Variants in SERPIND1 observed in about 807,000 individuals in gnomAD.
SERPIND1 encodes the protein heparin cofactor 2.
SERPIND1 carries 34 observed loss-of-function variants against 35.0 expected under a neutral mutation model. That is an observed-to-expected ratio of 0.97 (90% CI 0.74 to 1.29). The LOEUF is 1.29. SERPIND1 is among the 50% of genes most tolerant of loss of function. The probability of loss-of-function intolerance (pLI) is 0.00; values close to 1 mark genes in which losing one functional copy is unlikely to be tolerated. For synonymous variants in SERPIND1, 236 were observed against 241.1 expected (o/e 0.98, Z 0.19); for missense variants, 633 against 637.7 (o/e 0.99, Z 0.08).
In SERPIND1 at chr22:20,786,963, A is replaced by G; in HGVS notation, c.1397A>G (p.Gln466Arg). 2 of 1,614,076 alleles carry G rather than the reference A, an allele frequency of 1.2e-6. No individual in the cohort carries two copies. The highest frequency in any genetic ancestry group is 1.7e-6 in the Non-Finnish European group (2 of 1,180,016). ...GTGGGGTTCATGCCGCTGTCCACCCAAGTCCGCTTCACTGTCGACCGCCCC... is the reference window on the plus strand; with the variant it reads ...GTGGGGTTCATGCCGCTGTCCACCCGAGTCCGCTTCACTGTCGACCGCCCC... ...TTVGFMPLST[Q>R]VRFTVDRPFL... The change falls in exon 5 of 5, where the codon CAA (glutamine) becomes CGA (arginine). Residue 466 changes from glutamine to arginine, a missense_variant. By Grantham distance (43) the Gln-to-Arg change is conservative. Coordinates refer to ENST00000215727, the MANE Select transcript of SERPIND1 (RefSeq NM_000185.4).
intron 4 of SERPIND1, 21 bp downstream of exon 4, chr22:20,786,169 C>T (rs1414179584): frequency 6.2e-6 from 10 of 1,613,298 alleles, no homozygotes; most frequent in Non-Finnish European, 7.6e-6. Context: ...CCTTGTCCAC[C>T]CCCGACCCGT....
intron 2 of SERPIND1, among the ~76,000 whole-genome samples, chr22:20,780,565 C>T (rs911367142): frequency 6.6e-6 from 1 of 152,114 alleles, no homozygotes; most frequent in African/African-American, 2.4e-5. Flanking sequence ...GTCAGGAGTT[C>T]GAGATCAGCC....
intron 1 of SERPIND1, among the ~76,000 whole-genome samples, chr22:20,776,300 G>A (rs1933266519): frequency 6.6e-6 from 1 of 152,012 alleles, no homozygotes; most frequent in Non-Finnish European, 1.5e-5. Context: ...CTCCAGCCTG[G>A]GTGACAGAGT....
intron 2 of SERPIND1, among the ~76,000 whole-genome samples, chr22:20,781,605 G>A (rs1933804363): frequency 6.6e-6 from 1 of 152,240 alleles, no homozygotes; most frequent in Non-Finnish European, 1.5e-5. Context: ...GATAGGCCAA[G>A]CAGGGTCACT....
chr22:20,780,775 C>CAAAAAAA lies in SERPIND1; in HGVS notation c.889+584_889+590dup, dbSNP rs538327544. 3.7e-4 allele frequency among the ~76,000 whole-genome samples: 25 copies of CAAAAAAA among 67,692 alleles called. 1 individual carries two copies. Among genetic ancestry groups the CAAAAAAA allele is most frequent in the African/African-American group, 8.6e-4 (13 of 15,188 alleles). The allele number at this position is 67,692 out of a possible 152,430, so 44.4% of individuals were successfully genotyped here. A position where few individuals can be genotyped will look rare whatever the true frequency, so the allele number is the denominator to read the frequency against. On this transcript the variant is annotated intron_variant, in intron 2 of 4. Coordinates refer to ENST00000215727, the MANE Select transcript of SERPIND1 (RefSeq NM_000185.4). The stretch of plus-strand genomic sequence containing the variant: ...TGGACGACAGAGTGAGACTCCATCT[C>CAAAAAAA]AAAAAAAAAAAAAAAAGAAGTAAAA...
At position 20,787,662 on chromosome 22, in the gene SERPIND1, G is replaced by A. The variant is rs545889042; in HGVS notation, c.*596G>A. The A allele has an allele frequency of 6.1e-6, 1 of 164,846 alleles. No homozygotes were observed. The highest frequency in any genetic ancestry group is 1.3e-5 in the Non-Finnish European group (1 of 74,440). The allele number at this position is 164,846 out of a possible 1,614,324, so 10.2% of individuals were successfully genotyped here. On this transcript the variant is annotated 3_prime_UTR_variant, in exon 5 of 5. Transcript: ENST00000215727. ...GCTGTTGCCTCCCTGTGACCTGGAGGACAGTGTGTGCCATGTCTCCCATAC... is the reference window on the plus strand; with the variant it reads ...GCTGTTGCCTCCCTGTGACCTGGAGAACAGTGTGTGCCATGTCTCCCATAC...
chr22:20,779,297 C>A lies in SERPIND1; in HGVS notation c.-16C>A, dbSNP rs1933552732. ...CACTGTGTTCTGTTTTCCCTCCCAG[C>A]TTTAGCTCCGCCAAAATGAAACACT... On this transcript the variant is annotated splice_region_variant and 5_prime_UTR_variant, in exon 2 of 5. Transcript: ENST00000215727. 6.2e-7 allele frequency: 1 copy of A among 1,613,980 alleles called. No homozygotes were observed. The highest frequency in any genetic ancestry group is 1.3e-5 in the African/African-American group (1 of 74,942).
At position 20,780,045 on chromosome 22, in the gene SERPIND1, T is replaced by C; in HGVS notation, c.733T>C (p.Phe245Leu). 2 of 1,614,146 alleles carry C rather than the reference T, an allele frequency of 1.2e-6. No homozygotes were observed. The highest frequency in any genetic ancestry group is 1.7e-6 in the Non-Finnish European group (2 of 1,180,032). The change falls in exon 2 of 5, where the codon TTT (phenylalanine) becomes CTT (leucine). Residue 245 changes from phenylalanine (F) to leucine (L), a missense_variant. Transcript: ENST00000215727. Reference protein sequence around the residue: ...DFKTKVREYYFAEAQIADFSD... With the variant: ...DFKTKVREYYLAEAQIADFSD... Reference sequence around the variant, plus strand: ...CAAAACTAAAGTAAGAGAGTATTACTTTGCTGAGGCCCAGATAGCTGACTT... The same window carrying C: ...CAAAACTAAAGTAAGAGAGTATTACCTTGCTGAGGCCCAGATAGCTGACTT...
At chr22:20,784,379 CTG>C in intron 3 of SERPIND1, 134 bp downstream of exon 3, 4 of 1,209,056 alleles carry the variant, frequency 3.3e-6, no homozygotes, top group Non-Finnish European at 3.5e-6. Flanking sequence ...CAGGGCCACT[CTG>C]TTAATTCAGC....
intron 1 of SERPIND1, among the ~76,000 whole-genome samples, chr22:20,777,760 C>T (rs1933421314): frequency 6.6e-6 from 1 of 152,198 alleles, no homozygotes; most frequent in African/African-American, 2.4e-5. Flanking sequence ...ATCATCAAAG[C>T]TCATCTAACC....
At chr22:20,778,124 T>C (rs185308759) in intron 1 of SERPIND1, among the ~76,000 whole-genome samples, 4 of 152,264 alleles carry the variant, frequency 2.6e-5, no homozygotes, top group South Asian at 4.1e-4. Flanking sequence ...GCAAGTGATA[T>C]CACCTCTGGG....
chr22:20,780,789 A>AAAAAAAAAAAAAAAAG (rs1569025354), intron 2 of SERPIND1, among the ~76,000 whole-genome samples: 38 of 151,372 alleles, frequency 2.5e-4, no homozygotes, highest in African/African-American at 9.0e-4. Context: ...AAAAAAAAAA[A>AAAAAAAAAAAAAAAAG]AAGAAGTAAA....
intron 3 of SERPIND1, among the ~76,000 whole-genome samples, chr22:20,785,501 G>A (rs1158692621): frequency 6.6e-6 from 1 of 152,232 alleles, no homozygotes; most frequent in East Asian, 1.9e-4. Flanking sequence ...CAAAGTGCCA[G>A]ACTAACTCCA....
rs538327544 is a variant in SERPIND1 at position 20,780,775 on chromosome 22, C to CAAAAAAAAAAAAAAAAAAAAAAAAA, written c.889+590_889+591insAAAAAAAAAAAAAAAAAAAAAAAAA. 1.1e-3 allele frequency among the ~76,000 whole-genome samples: 74 copies of CAAAAAAAAAAAAAAAAAAAAAAAAA among 67,630 alleles called. 3 individuals carry two copies. Among genetic ancestry groups the CAAAAAAAAAAAAAAAAAAAAAAAAA allele is most frequent in the African/African-American group, 1.6e-3 (25 of 15,180 alleles). 44.4% of individuals were successfully genotyped at this position (67,630 alleles called of 152,430 possible). A position where few individuals can be genotyped will look rare whatever the true frequency, so the allele number is the denominator to read the frequency against. On this transcript the variant is annotated intron_variant, in intron 2 of 4. Coordinates refer to ENST00000215727, the MANE Select transcript of SERPIND1 (RefSeq NM_000185.4). ...TGGACGACAGAGTGAGACTCCATCT[C>CAAAAAAAAAAAAAAAAAAAAAAAAA]AAAAAAAAAAAAAAAAGAAGTAAAA...
chr22:20,786,742 A>C, intron 4 of SERPIND1, 133 bp from the exon 5 acceptor site: 1 of 921,946 alleles, frequency 1.1e-6, no homozygotes, highest in Admixed American at 2.0e-5. Context: ...TTCAAGAGTG[A>C]CTCTGACCAG....
intron 3 of SERPIND1, among the ~76,000 whole-genome samples, chr22:20,784,726 T>TGAA (rs1569029953): frequency 6.6e-6 from 1 of 152,206 alleles, no homozygotes; most frequent in East Asian, 1.9e-4. Flanking sequence ...ATTCATGATT[T>TGAA]CCTCTATTAT....
At chr22:20,784,881 C>T (rs1934088699) in intron 3 of SERPIND1, among the ~76,000 whole-genome samples, 1 of 152,060 alleles carries the variant, frequency 6.6e-6, no homozygotes, top group Non-Finnish European at 1.5e-5. Context: ...CTGGTTTGAA[C>T]CTCCTTATAG....
At chr22:20,781,690 A>G (rs1305409996) in intron 2 of SERPIND1, among the ~76,000 whole-genome samples, 2 of 152,238 alleles carry the variant, frequency 1.3e-5, no homozygotes, top group African/African-American at 4.8e-5. Context: ...GCTGAGTTCT[A>G]ACAGGCTTGC....
At position 20,783,201 on chromosome 22, in the gene SERPIND1, C is replaced by G. The variant is rs1227945812; in HGVS notation, c.890-771C>G. ...CATGGGCTTATTCCTGGATACACAG[C>G]ACTGTCCCCATATCTACAGTGGTGA... On this transcript the variant is annotated intron_variant, in intron 2 of 4. Transcript: ENST00000215727. Among the ~76,000 whole-genome samples the G allele has an allele frequency of 7.9e-5, 12 of 152,312 alleles. No individual in the cohort carries two copies. The East Asian group carries it at 2.1e-3, about 27-fold the overall frequency.
Sources: allele counts gnomAD v4.1 joint callset (sites outside exome capture counted in the v4.1 genomes callset), GRCh38; gene constraint gnomAD v4.1.1; transcripts MANE v1.5; gene names NCBI Gene and HGNC (gene_info 2026-07-23, HGNC 2026-07-21).